The following PLEKHA5 variants were observed in gnomAD, a reference collection of about 807,000 sequenced individuals.
PLEKHA5 encodes pleckstrin homology domain containing A5.
PLEKHA5 carries 55 observed loss-of-function variants against 181.9 expected under a neutral mutation model. The observed-to-expected ratio is 0.30, with a 90% CI of 0.24 to 0.38. PLEKHA5 has a LOEUF of 0.38. Among genes scored for constraint, PLEKHA5 ranks in the 10% least tolerant of loss-of-function variants. PLEKHA5 has a pLI of 1.00. For synonymous variants in PLEKHA5, 535 were observed against 529.4 expected (o/e 1.01, Z -0.15); for missense variants, 1,432 against 1,549.5 (o/e 0.92, Z 1.27).
At position 19,358,579 on chromosome 12, in the gene PLEKHA5, C is replaced by G; in HGVS notation, c.3348+142C>G. ...ATTATTTAATTCTCCTAATAATAAG[C>G]TAAGACAGCTAAGTAAAATGTAAAT... On this transcript the variant is annotated intron_variant, in intron 27 of 31. Transcript: ENST00000429027. 3.3e-6 allele frequency: 2 copies of G among 607,602 alleles called. No individual in the cohort carries two copies. Among genetic ancestry groups the G allele is most frequent in the Non-Finnish European group, 5.7e-6 (2 of 348,652 alleles). The allele number at this position is 607,602 out of a possible 1,614,324, so 37.6% of individuals were successfully genotyped here.
At chr12:19,170,433 T>G (rs1156821356) in intron 3 of PLEKHA5, among the ~76,000 whole-genome samples, 2 of 152,016 alleles carry the variant, frequency 1.3e-5, no homozygotes, top group African/African-American at 4.8e-5. Context: ...GAAGACTTTT[T>G]TTTTTTTTTT....
chr12:19,199,558 A>T (rs2053708720), intron 3 of PLEKHA5, among the ~76,000 whole-genome samples: 2 of 152,152 alleles, frequency 1.3e-5, no homozygotes, highest in Admixed American at 1.3e-4. Flanking sequence ...TCATGAATAC[A>T]TGGCAGTGTG....
intron 31 of PLEKHA5, among the ~76,000 whole-genome samples, 169 bp downstream of exon 31, chr12:19,369,967 T>A (rs1483315989): frequency 6.6e-6 from 1 of 152,268 alleles, no homozygotes; most frequent in Admixed American, 6.5e-5. Flanking sequence ...ATTGCTAACA[T>A]TGGCTCCTCT....
intron 3 of PLEKHA5, among the ~76,000 whole-genome samples, chr12:19,161,676 A>G (rs1565883937): frequency 6.6e-6 from 1 of 152,216 alleles, no homozygotes; most frequent in Non-Finnish European, 1.5e-5. Context: ...ACGTCTATAG[A>G]TTTAAAATAG....
intron 18 of PLEKHA5, among the ~76,000 whole-genome samples, chr12:19,321,354 TC>T: frequency 9.8e-5 from 8 of 81,796 alleles, no homozygotes; most frequent in East Asian, 2.9e-4. Flanking sequence ...TCTTTTCTTT[TC>T]TTTTCTTTTT....
intron 16 of PLEKHA5, 144 bp from the exon 17 acceptor site, chr12:19,319,877 C>T (rs1016659106): frequency 2.0e-6 from 1 of 505,012 alleles, no homozygotes; most frequent in African/African-American, 2.0e-5. Flanking sequence ...AATATAGTAA[C>T]ATAAATGGAG....
chr12:19,361,002 G>A (rs1017057325), intron 28 of PLEKHA5, among the ~76,000 whole-genome samples: 2 of 150,726 alleles, frequency 1.3e-5, no homozygotes, highest in East Asian at 2.0e-4. Context: ...TGATCTGCCC[G>A]CCTCAGCCTC....
At chr12:19,188,486 T>G (rs2050353457) in intron 3 of PLEKHA5, among the ~76,000 whole-genome samples, 1 of 152,230 alleles carries the variant, frequency 6.6e-6, no homozygotes, top group Non-Finnish European at 1.5e-5. Context: ...TTTAAAACAT[T>G]AAAATTTCAT....
In PLEKHA5 at chr12:19,278,813, A is replaced by T. The variant is rs540615847; in HGVS notation, c.1313+3830A>T. 2.0e-5 allele frequency among the ~76,000 whole-genome samples: 3 copies of T among 152,098 alleles called. 1 individual carries two copies. The highest frequency in any genetic ancestry group is 7.2e-5 in the African/African-American group (3 of 41,500). On this transcript the variant is annotated intron_variant, in intron 11 of 31. Coordinates refer to ENST00000429027, the MANE Select transcript of PLEKHA5 (RefSeq NM_001256470.2). ...ATTGGGTACCTTTCTCCCTCTCTCC[A>T]CCCCGAAGGCATCGAATCGGATGGT...
rs1491300641 is a variant in PLEKHA5, at chr12:19,253,928, TCC to T, written c.228-11_228-10del. ...ACCTGCATGTTCTGTTTTTCTTTTT[TCC>T]TTTTTTCAGCCATAATGAAAGGAAA... On this transcript the variant is annotated splice_polypyrimidine_tract_variant and intron_variant, in intron 3 of 31. Transcript: ENST00000429027. 3.3e-6 allele frequency: 5 copies of T among 1,520,324 alleles called. No homozygotes were observed. The highest frequency in any genetic ancestry group is 1.8e-5 in the Admixed American group (1 of 56,278). The allele number at this position is 1,520,324 out of a possible 1,614,324, so 94.2% of individuals were successfully genotyped here.
chr12:19,283,645 A>G lies in PLEKHA5; in HGVS notation c.1679A>G (p.Gln560Arg). 1 of 1,614,162 alleles carries G rather than the reference A, an allele frequency of 6.2e-7. No individual in the cohort carries two copies. The highest frequency in any genetic ancestry group is 8.5e-7 in the Non-Finnish European group (1 of 1,179,992). ...SPSHGSIAAYQGYSPQRTYRS... is the reference protein window; with the variant it reads ...SPSHGSIAAYRGYSPQRTYRS... Reference sequence around the variant, plus strand: ...TCCCACGGGTCAATAGCTGCTTATCAGGGATACTCCCCTCAACGAACTTAC... The same window carrying G: ...TCCCACGGGTCAATAGCTGCTTATCGGGGATACTCCCCTCAACGAACTTAC... The change falls in exon 12 of 32, where the codon CAG (glutamine) becomes CGG (arginine). Residue 560 changes from glutamine (Q) to arginine (R), a missense_variant. This residue lies in a region of PLEKHA5 where 1,143 missense variants were observed against 1,168.4 expected (regional missense o/e 0.98). Coordinates refer to ENST00000429027, the MANE Select transcript of PLEKHA5 (RefSeq NM_001256470.2).
chr12:19,141,194 T>A (rs892851780), intron 3 of PLEKHA5, among the ~76,000 whole-genome samples: 1 of 152,192 alleles, frequency 6.6e-6, no homozygotes, highest in African/African-American at 2.4e-5. Flanking sequence ...AAGCTTCTCT[T>A]TAACCAGAAA....
chr12:19,142,350 C>A (rs550998224), intron 3 of PLEKHA5, among the ~76,000 whole-genome samples: 1 of 152,106 alleles, frequency 6.6e-6, no homozygotes, highest in Non-Finnish European at 1.5e-5. Context: ...GCCTGGGCAA[C>A]TGAGCGAGAC....
At position 19,184,281 on chromosome 12, in the gene PLEKHA5, G is replaced by A. The variant is rs148767511; in HGVS notation, c.227+51831G>A. Reference sequence around the variant, plus strand: ...TTGTTGCCTAGACCTTATTTATCAAGCCATAGTCTATTTGAATAGTAAACC... The same window carrying A: ...TTGTTGCCTAGACCTTATTTATCAAACCATAGTCTATTTGAATAGTAAACC... On this transcript the variant is annotated intron_variant, in intron 3 of 31. Coordinates refer to ENST00000429027, the MANE Select transcript of PLEKHA5 (RefSeq NM_001256470.2). Among the ~76,000 whole-genome samples the A allele has an allele frequency of 1.9e-3, 292 of 152,240 alleles. 1 individual carries two copies. Among genetic ancestry groups the A allele is most frequent in the African/African-American group, 6.7e-3 (280 of 41,540 alleles).
intron 15 of PLEKHA5, among the ~76,000 whole-genome samples, chr12:19,297,836 C>T (rs2152891217): frequency 6.6e-6 from 1 of 150,714 alleles, no homozygotes; most frequent in Middle Eastern, 3.5e-3. Flanking sequence ...TCAACAGAGT[C>T]AGCACCTATA....
intron 26 of PLEKHA5, among the ~76,000 whole-genome samples, chr12:19,354,300 C>T (rs1466521620): frequency 2.0e-5 from 3 of 147,808 alleles, no homozygotes; most frequent in Non-Finnish European, 3.0e-5. Flanking sequence ...TACAGGCGCC[C>T]GCCACCACGC....
intron 3 of PLEKHA5, among the ~76,000 whole-genome samples, chr12:19,216,122 G>C (rs528329109): frequency 5.9e-5 from 9 of 152,214 alleles, no homozygotes; most frequent in Admixed American, 3.9e-4. Context: ...AGAAAGAAGA[G>C]GCATTTTGGT....
intron 3 of PLEKHA5, among the ~76,000 whole-genome samples, chr12:19,213,974 G>C (rs2057457417): frequency 6.6e-6 from 1 of 152,108 alleles, no homozygotes; most frequent in African/African-American, 2.4e-5. Flanking sequence ...TAATAATTAT[G>C]ATAATACTAA....
intron 3 of PLEKHA5, among the ~76,000 whole-genome samples, chr12:19,228,089 A>G (rs2059939977): frequency 6.6e-6 from 1 of 152,200 alleles, no homozygotes; most frequent in African/African-American, 2.4e-5. Flanking sequence ...AAACTACTTC[A>G]TGGGAAAATC....
Sources: allele counts gnomAD v4.1 joint callset (sites outside exome capture counted in the v4.1 genomes callset), GRCh38; gene constraint gnomAD v4.1.1; regional missense constraint gnomAD v4.1.1; transcripts MANE v1.5; gene names NCBI Gene and HGNC (gene_info 2026-07-23, HGNC 2026-07-21).